The following PPP2R2C variants were observed in gnomAD, a reference collection of about 807,000 sequenced individuals.
PPP2R2C encodes the protein protein phosphatase 2, regulatory subunit B, gamma.
In PPP2R2C, 10 loss-of-function variants were observed where a neutral mutation model predicts 45.3. That is an observed-to-expected ratio of 0.22 (90% CI 0.14 to 0.37). The LOEUF (loss-of-function observed/expected upper bound fraction) is 0.37, where lower values mean the gene tolerates loss of function less well. Ranked by LOEUF, PPP2R2C falls within the 10% of genes least tolerant of loss-of-function variation. The probability of loss-of-function intolerance (pLI) is 1.00; values close to 1 mark genes in which losing one functional copy is unlikely to be tolerated. For missense variants in PPP2R2C, 308 were observed against 619.7 expected (o/e 0.50, Z 5.34); for synonymous variants, 257 against 245.4 (o/e 1.05, Z -0.44).
chr4:6,342,651 T>G (rs1733545812), intron 6 of PPP2R2C, among the ~76,000 whole-genome samples: 1 of 152,220 alleles, frequency 6.6e-6, no homozygotes, highest in South Asian at 2.1e-4. Flanking sequence ...GGCCCTTTCT[T>G]TCCGCAGGCT....
chr4:6,452,871 A>T (rs1719317698), intron 1 of PPP2R2C, among the ~76,000 whole-genome samples: 2 of 152,202 alleles, frequency 1.3e-5, no homozygotes, highest in Non-Finnish European at 2.9e-5. Flanking sequence ...TCCCACAGAG[A>T]ATCTCGGCTC....
At chr4:6,529,628 T>C (rs951984327) in intron 2 of PPP2R2C, among the ~76,000 whole-genome samples, 2 of 151,904 alleles carry the variant, frequency 1.3e-5, no homozygotes, top group Non-Finnish European at 1.5e-5. Flanking sequence ...CCCTACCCCA[T>C]CCCCCATCCC....
intron 2 of PPP2R2C, among the ~76,000 whole-genome samples, chr4:6,494,307 G>A (rs150139211): frequency 6.6e-6 from 1 of 152,334 alleles, no homozygotes; most frequent in African/African-American, 2.4e-5. Context: ...TCCGCTGGGT[G>A]GGTTAATATG....
chr4:6,444,975 A>G (rs1720341260), intron 1 of PPP2R2C, among the ~76,000 whole-genome samples: 1 of 152,158 alleles, frequency 6.6e-6, no homozygotes, highest in South Asian at 2.1e-4. Flanking sequence ...CCTTCAGCCT[A>G]GGGGTTCCAG....
At chr4:6,557,538 G>A (rs1046571827) in intron 1 of PPP2R2C, among the ~76,000 whole-genome samples, 5 of 152,210 alleles carry the variant, frequency 3.3e-5, no homozygotes, top group Non-Finnish European at 5.9e-5. Flanking sequence ...GAGTTAGAGT[G>A]AGTGCTGGGT....
chr4:6,447,760 G>A (rs548004645), intron 1 of PPP2R2C, among the ~76,000 whole-genome samples: 22 of 152,212 alleles, frequency 1.4e-4, no homozygotes, highest in Non-Finnish European at 2.4e-4. Flanking sequence ...TAGGAACAGC[G>A]TGACCTGCAC....
chr4:6,559,081 A>C lies in PPP2R2C; in HGVS notation c.-59+4479T>G, dbSNP rs144834345. ...CGCTGAGACAGGGGCTCTGATGAGC[A>C]GGCAGCCCTGACAATAGCAGTTTCC... On this transcript the variant is annotated intron_variant, in intron 1 of 9. Coordinates refer to the PPP2R2C transcript ENST00000506140. 1.4e-3 allele frequency among the ~76,000 whole-genome samples: 211 copies of C among 152,368 alleles called. 1 individual carries two copies. Among genetic ancestry groups the C allele is most frequent in the African/African-American group, 4.9e-3 (204 of 41,582 alleles).
intron 5 of PPP2R2C, chr4:6,350,404 A>G: frequency 1.0e-6 from 1 of 985,422 alleles, no homozygotes; most frequent in Non-Finnish European, 1.2e-6. Flanking sequence ...GCCCATGGAT[A>G]ATGTGCAGTA....
At chr4:6,511,007 A>AAAAAAAAG in intron 2 of PPP2R2C, among the ~76,000 whole-genome samples, 3 of 150,558 alleles carry the variant, frequency 2.0e-5, no homozygotes, top group Admixed American at 6.6e-5. Flanking sequence ...ACAAAAAAAA[A>AAAAAAAAG]AACAGAAAAT....
At chr4:6,512,416 G>A (rs1250806041) in intron 2 of PPP2R2C, among the ~76,000 whole-genome samples, 1 of 127,606 alleles carries the variant, frequency 7.8e-6, no homozygotes, top group Admixed American at 7.6e-5. Context: ...GGTGGTGGTG[G>A]TGATGGTGGG....
chr4:6,561,882 G>A (rs1444983689), intron 1 of PPP2R2C, among the ~76,000 whole-genome samples: 1 of 152,220 alleles, frequency 6.6e-6, no homozygotes, highest in Non-Finnish European at 1.5e-5. Flanking sequence ...GCAGAGAAAG[G>A]CCATGTGGCA....
chr4:6,409,638 G>A (rs2109364542), intron 1 of PPP2R2C, among the ~76,000 whole-genome samples: 1 of 152,260 alleles, frequency 6.6e-6, no homozygotes, highest in East Asian at 1.9e-4. Flanking sequence ...AGGCACAGGA[G>A]CACCACAGCT....
chr4:6,462,899 C>T (rs927377890), intron 1 of PPP2R2C, among the ~76,000 whole-genome samples: 1 of 152,148 alleles, frequency 6.6e-6, no homozygotes, highest in Non-Finnish European at 1.5e-5. Flanking sequence ...ACTATTTTCT[C>T]ACAAATGCAA....
At chr4:6,439,327 G>A (rs1720035543) in intron 1 of PPP2R2C, among the ~76,000 whole-genome samples, 2 of 152,218 alleles carry the variant, frequency 1.3e-5, no homozygotes, top group African/African-American at 4.8e-5. Context: ...GACTCCTTCT[G>A]CAGTTTGTGA....
At chr4:6,439,988 C>T (rs1187833487) in intron 1 of PPP2R2C, among the ~76,000 whole-genome samples, 5 of 152,220 alleles carry the variant, frequency 3.3e-5, no homozygotes, top group Non-Finnish European at 7.3e-5. Context: ...TTAAAACCAC[C>T]TCAAGGAACA....
At chr4:6,384,346 TG>T in intron 1 of PPP2R2C, 1 of 985,478 alleles carries the variant, frequency 1.0e-6, no homozygotes, top group Non-Finnish European at 1.2e-6. Context: ...GCAAAGAAAC[TG>T]GGCAGTGGGG....
At chr4:6,418,812 G>A (rs142823082) in intron 1 of PPP2R2C, among the ~76,000 whole-genome samples, 20 of 152,322 alleles carry the variant, frequency 1.3e-4, no homozygotes, top group African/African-American at 3.1e-4. Context: ...TTCCAGAAAC[G>A]TTCCTCATTC....
At chr4:6,447,243 G>A (rs1195888982) in intron 1 of PPP2R2C, among the ~76,000 whole-genome samples, 11 of 152,296 alleles carry the variant, frequency 7.2e-5, no homozygotes, top group South Asian at 2.1e-4. Flanking sequence ...CTCCCACTCT[G>A]AGGAGGCCTG....
At chr4:6,373,380 A>G (rs1715022120) in intron 4 of PPP2R2C, among the ~76,000 whole-genome samples, 1 of 152,206 alleles carries the variant, frequency 6.6e-6, no homozygotes, top group Admixed American at 6.5e-5. Context: ...CCTGACTCAT[A>G]CGAACTTTCA....
Sources: gnomAD v4.1 joint callset for allele counts (sites outside exome capture counted in the v4.1 genomes callset) on GRCh38, gnomAD v4.1.1 for gene constraint, MANE v1.5 for transcripts, NCBI Gene and HGNC (gene_info 2026-07-23, HGNC 2026-07-21) for gene names.